MTDH: variants seen among roughly 807,000 people sequenced by gnomAD.
The protein encoded by MTDH is metadherin, also known as protein LYRIC.
In MTDH, 34 loss-of-function variants were observed where a neutral mutation model predicts 72.7. That is an observed-to-expected ratio of 0.47 (90% CI 0.36 to 0.62). The LOEUF (loss-of-function observed/expected upper bound fraction) is 0.62. MTDH is among the 20% of genes least tolerant of loss of function. MTDH has a pLI of 0.00. For synonymous variants in MTDH, 266 were observed against 268.9 expected, an observed-to-expected ratio of 0.99 and a Z score of 0.10; for missense variants, 677 against 699.4, an observed-to-expected ratio of 0.97 and a Z score of 0.36.
chr8:97,707,449 CTT>C (rs35528230), intron 8 of MTDH, among the ~76,000 whole-genome samples: 4 of 80,214 alleles, frequency 5.0e-5, no homozygotes, highest in Admixed American at 1.7e-4. Context: ...CATGCCTGGC[CTT>C]TTTTTTTTTT....
chr8:97,677,832 A>G (rs879743830), intron 2 of MTDH, among the ~76,000 whole-genome samples: 1 of 152,200 alleles, frequency 6.6e-6, no homozygotes, highest in Admixed American at 6.5e-5. Flanking sequence ...GCATTATTCT[A>G]TATGACAAAA....
chr8:97,708,898 C>G (rs1444421020), intron 8 of MTDH, among the ~76,000 whole-genome samples: 10 of 151,956 alleles, frequency 6.6e-5, no homozygotes, highest in Non-Finnish European at 1.3e-4. Context: ...CTGCCCCCAG[C>G]CAGGATTGGT....
At chr8:97,676,530 C>A (rs1321428351) in intron 2 of MTDH, among the ~76,000 whole-genome samples, 2 of 152,128 alleles carry the variant, frequency 1.3e-5, no homozygotes, top group African/African-American at 4.8e-5. Flanking sequence ...TACTTTTTGC[C>A]ACTCTAATAA....
chr8:97,645,719 C>A (rs1286351908), intron 1 of MTDH, among the ~76,000 whole-genome samples: 2 of 152,126 alleles, frequency 1.3e-5, no homozygotes, highest in Admixed American at 1.3e-4. Flanking sequence ...CTGTCTTAGG[C>A]CTTCATGTTT....
At chr8:97,644,994 C>A in intron 1 of MTDH, 107 bp downstream of exon 1, 1 of 1,318,086 alleles carries the variant, frequency 7.6e-7, no homozygotes, top group Non-Finnish European at 1.0e-6. Flanking sequence ...AGTGCTTAGT[C>A]GAAAGCCGAG....
chr8:97,674,262 G>A (rs1812754463), intron 2 of MTDH, among the ~76,000 whole-genome samples: 2 of 152,194 alleles, frequency 1.3e-5, no homozygotes, highest in African/African-American at 4.8e-5. Flanking sequence ...CTTCCATTTA[G>A]GAAAATAACA....
intron 2 of MTDH, among the ~76,000 whole-genome samples, chr8:97,666,958 A>G (rs1214111378): frequency 6.6e-6 from 1 of 151,590 alleles, no homozygotes; most frequent in Non-Finnish European, 1.5e-5. Flanking sequence ...CCGCCTCCCA[A>G]AGTGCTGGGA....
chr8:97,670,931 G>GT (rs1167717632), intron 2 of MTDH, among the ~76,000 whole-genome samples: 7 of 105,998 alleles, frequency 6.6e-5, no homozygotes, highest in Admixed American at 2.7e-4. Context: ...TAATTTTTTT[G>GT]TTTTTTTTGT....
Position 97,719,072 on chromosome 8 carries a change from G to C in MTDH, c.1404G>C (p.Glu468Asp). ...AGGACACAGAAGAATTAGAAAAAGAGATTAGAGAAGACCTTCCAGTGAATA... is the reference window on the plus strand; with the variant it reads ...AGGACACAGAAGAATTAGAAAAAGACATTAGAGAAGACCTTCCAGTGAATA... The part of the protein sequence containing the change: ...TAQDTEELEK[E>D]IREDLPVNTS... The change falls in exon 10 of 12, where the codon GAG (glutamate) becomes GAC (aspartate). Residue 468 changes from glutamate to aspartate, a missense_variant. Coordinates refer to ENST00000336273, the MANE Select transcript of MTDH (RefSeq NM_178812.4). 1 of 1,608,652 alleles carries C rather than the reference G, an allele frequency of 6.2e-7. No homozygotes were observed. Among genetic ancestry groups the C allele is most frequent in the Non-Finnish European group, 8.5e-7 (1 of 1,177,712 alleles).
At chr8:97,645,783 A>G (rs1487595212) in intron 1 of MTDH, among the ~76,000 whole-genome samples, 2 of 152,176 alleles carry the variant, frequency 1.3e-5, no homozygotes, top group Non-Finnish European at 2.9e-5. Context: ...TATCTTTCAT[A>G]GTTTTATGTA....
Position 97,644,367 on chromosome 8 carries a change from C to G in MTDH, c.-140C>G, listed in dbSNP as rs1473820679. On this transcript the variant is annotated 5_prime_UTR_variant, in exon 1 of 12. In the 5' UTR this introduces an upstream ATG that the reference lacks. Coordinates refer to ENST00000336273, the MANE Select transcript of MTDH (RefSeq NM_178812.4). Reference sequence around the variant, plus strand: ...CCTCCCCGCGGTGGCAGCGGCCGATCCCCGGCTCCGGCGCGAGGGACGGCC... The same window carrying G: ...CCTCCCCGCGGTGGCAGCGGCCGATGCCCGGCTCCGGCGCGAGGGACGGCC... 2 of 1,202,766 alleles carry G rather than the reference C, an allele frequency of 1.7e-6. No homozygotes were observed. Among genetic ancestry groups the G allele is most frequent in the Admixed American group, 3.4e-5 (1 of 29,306 alleles). The allele number at this position is 1,202,766 out of a possible 1,614,324, so 74.5% of individuals were successfully genotyped here.
At chr8:97,692,679 C>CT (rs1056724346) in intron 6 of MTDH, among the ~76,000 whole-genome samples, 2 of 151,938 alleles carry the variant, frequency 1.3e-5, no homozygotes, top group Non-Finnish European at 2.9e-5. Context: ...GCCAATTTTC[C>CT]TTTTTTTAAC....
At chr8:97,697,305 A>G (rs1397124390) in intron 6 of MTDH, among the ~76,000 whole-genome samples, 5 of 149,262 alleles carry the variant, frequency 3.3e-5, no homozygotes, top group African/African-American at 9.9e-5. Context: ...CAGTTACTCA[A>G]CCCTGCTGTT....
chr8:97,658,930 T>G (rs1239005311), intron 1 of MTDH, among the ~76,000 whole-genome samples: 2 of 151,894 alleles, frequency 1.3e-5, no homozygotes, highest in Non-Finnish European at 2.9e-5. Context: ...GATCACGAGG[T>G]CAGGAGATCA....
At chr8:97,719,716 T>G (rs1430349531) in intron 10 of MTDH, among the ~76,000 whole-genome samples, 1 of 152,120 alleles carries the variant, frequency 6.6e-6, no homozygotes, top group Non-Finnish European at 1.5e-5. Context: ...AGAACCACAC[T>G]GTACTGTATT....
intron 2 of MTDH, among the ~76,000 whole-genome samples, chr8:97,677,664 T>C (rs1812912073): frequency 6.6e-6 from 1 of 152,180 alleles, no homozygotes; most frequent in Admixed American, 6.6e-5. Flanking sequence ...AACAATATGT[T>C]TATACTTTTG....
chr8:97,657,518 T>A (rs1812025344), intron 1 of MTDH, among the ~76,000 whole-genome samples: 1 of 152,122 alleles, frequency 6.6e-6, no homozygotes, highest in African/African-American at 2.4e-5. Context: ...TTTTTTCTTT[T>A]CTTGAGACAG....
chr8:97,693,072 G>A (rs1586253636), intron 6 of MTDH, among the ~76,000 whole-genome samples: 1 of 152,044 alleles, frequency 6.6e-6, no homozygotes, highest in Non-Finnish European at 1.5e-5. Context: ...TCTTGTGAGT[G>A]ATATTGGATT....
intron 2 of MTDH, among the ~76,000 whole-genome samples, chr8:97,679,042 A>G (rs551239514): frequency 7.2e-5 from 11 of 152,170 alleles, no homozygotes; most frequent in Non-Finnish European, 1.3e-4. Context: ...TAACAGAAAA[A>G]TAGCCTAACA....
Sources: allele counts gnomAD v4.1 joint callset (sites outside exome capture counted in the v4.1 genomes callset), GRCh38; gene constraint gnomAD v4.1.1; transcripts MANE v1.5; gene names NCBI Gene and HGNC (gene_info 2026-07-23, HGNC 2026-07-21).